The following COL27A1 variants were observed in gnomAD, a reference collection of about 807,000 sequenced individuals.
The protein encoded by COL27A1 is collagen alpha-1(XXVII) chain.
In COL27A1, 106 loss-of-function variants were observed where a neutral mutation model predicts 251.3. The ratio of observed to expected loss-of-function variants is 0.42; its 90% CI spans 0.36 to 0.50. The LOEUF is 0.50. Among genes scored for constraint, COL27A1 ranks in the 20% least tolerant of loss-of-function variants. The probability of loss-of-function intolerance (pLI) is 0.00; values close to 1 mark genes in which losing one functional copy is unlikely to be tolerated. For synonymous variants in COL27A1, 1,000 were observed against 986.3 expected, an observed-to-expected ratio of 1.01 and a Z score of -0.26; for missense variants, 2,325 against 2,522.8, an observed-to-expected ratio of 0.92 and a Z score of 1.68.
intron 3 of COL27A1, among the ~76,000 whole-genome samples, chr9:114,176,176 C>T (rs758027273): frequency 6.6e-5 from 10 of 152,168 alleles, no homozygotes; most frequent in South Asian, 2.1e-4. Context: ...CCTGTTGAAA[C>T]GGCATGGTAT....
chr9:114,205,197 C>G (rs1829864960), intron 8 of COL27A1, 51 bp downstream of exon 8: 2 of 1,545,554 alleles, frequency 1.3e-6, no homozygotes, highest in South Asian at 2.3e-5. Context: ...TCCTCCCAGC[C>G]CCTACCTGTC....
At chr9:114,289,324 A>C in intron 45 of COL27A1, 29 bp downstream of exon 45, 1 of 1,554,004 alleles carries the variant, frequency 6.4e-7, no homozygotes, top group Non-Finnish European at 8.7e-7. Context: ...CAGCAGGGAG[A>C]CTGAGTCCCA....
intron 3 of COL27A1, among the ~76,000 whole-genome samples, chr9:114,173,426 C>T (rs1013654004): frequency 1.3e-5 from 2 of 152,228 alleles, no homozygotes; most frequent in Non-Finnish European, 2.9e-5. Context: ...CTTGAGGTTA[C>T]CCAGAACTCT....
In COL27A1 at chr9:114,227,002, G is replaced by A. The variant is rs530904558; in HGVS notation, c.2467-4077G>A. 5.9e-5 allele frequency among the ~76,000 whole-genome samples: 9 copies of A among 152,314 alleles called. No homozygotes were observed. In the South Asian group the frequency reaches 8.3e-4, roughly 14 times the overall value. ...GGAAGTGATGTTAGTGCTGGAGGCC[G>A]AAGGACAAATGGGCATTAACAATGC... is the stretch of plus-strand genomic sequence containing the variant. On this transcript the variant is annotated intron_variant, in intron 14 of 60. Coordinates refer to ENST00000356083, the MANE Select transcript of COL27A1 (RefSeq NM_032888.4).
chr9:114,159,646 G>A (rs1564406392), intron 1 of COL27A1, among the ~76,000 whole-genome samples: 1 of 152,182 alleles, frequency 6.6e-6, no homozygotes, highest in Non-Finnish European at 1.5e-5. Flanking sequence ...GGATTTCTCC[G>A]AGCCTTTGAT....
At chr9:114,288,998 T>A in intron 44 of COL27A1, 31 bp downstream of exon 44, 1 of 1,612,290 alleles carries the variant, frequency 6.2e-7, no homozygotes, top group Non-Finnish European at 8.5e-7. Context: ...CATCCCTGCC[T>A]CCCACCCTGA....
chr9:114,196,538 G>A (rs1829147808), intron 7 of COL27A1, among the ~76,000 whole-genome samples: 1 of 152,178 alleles, frequency 6.6e-6, no homozygotes, highest in Admixed American at 6.5e-5. Flanking sequence ...TTGGACCTGG[G>A]TCCTACTCCT....
intron 28 of COL27A1, among the ~76,000 whole-genome samples, chr9:114,261,668 G>T (rs1473689622): frequency 1.3e-5 from 2 of 152,220 alleles, no homozygotes; most frequent in Non-Finnish European, 2.9e-5. Context: ...CCAGTGTGCA[G>T]CCTTCCTGGC....
chr9:114,245,027 C>T (rs542291784), intron 23 of COL27A1, among the ~76,000 whole-genome samples: 5 of 152,234 alleles, frequency 3.3e-5, no homozygotes, highest in East Asian at 1.9e-4. Flanking sequence ...TCACCCCAGC[C>T]ACCCGTGAGC....
At chr9:114,229,381 A>G (rs1347865331) in intron 14 of COL27A1, among the ~76,000 whole-genome samples, 1 of 152,142 alleles carries the variant, frequency 6.6e-6, no homozygotes, top group Non-Finnish European at 1.5e-5. Flanking sequence ...GCATTCCATC[A>G]CATAGTCCCC....
chr9:114,210,245 C>T (rs887055440), intron 11 of COL27A1, among the ~76,000 whole-genome samples: 12 of 152,204 alleles, frequency 7.9e-5, no homozygotes, highest in Non-Finnish European at 1.3e-4. Context: ...TTGTCAATGC[C>T]GCTTTCTCAC....
At chr9:114,291,161 T>G (rs1237235961) in intron 48 of COL27A1, among the ~76,000 whole-genome samples, 4 of 152,158 alleles carry the variant, frequency 2.6e-5, no homozygotes, top group Non-Finnish European at 4.4e-5. Flanking sequence ...AACTGGTTTT[T>G]GAGTTGTCCA....
In COL27A1 at chr9:114,168,753, G is replaced by A; in HGVS notation, c.1198G>A (p.Ala400Thr). The A allele has an allele frequency of 6.2e-7, 1 of 1,613,918 alleles. No individual in the cohort carries two copies. The highest frequency in any genetic ancestry group is 8.5e-7 in the Non-Finnish European group (1 of 1,180,024). ...KTAPSSFTKS[A>T]LPTQKQVPPT... is the part of the protein sequence containing the mutation. The stretch of plus-strand genomic sequence containing the variant: ...AGCTCCATCTTCATTTACAAAGTCA[G>A]CCCTACCCACTCAGAAGCAAGTGCC... Residue 400 changes from alanine (A) to threonine (T), a missense_variant, in exon 3 of 61, where the codon GCC (alanine) becomes ACC (threonine). Around this residue, in one of 4 missense-constraint regions of COL27A1, gnomAD observed 1,183 missense variants for 1,144.1 expected, o/e 1.03. Transcript: ENST00000356083.
chr9:114,237,206 G>A (rs900568188), intron 18 of COL27A1, among the ~76,000 whole-genome samples, 172 bp downstream of exon 18: 9 of 152,352 alleles, frequency 5.9e-5, no homozygotes, highest in Middle Eastern at 3.4e-3. Context: ...TGAGGATACT[G>A]TGAGAGGCTC....
chr9:114,177,578 G>A (rs991774729), intron 3 of COL27A1, among the ~76,000 whole-genome samples: 4 of 152,184 alleles, frequency 2.6e-5, no homozygotes, highest in African/African-American at 9.7e-5. Context: ...CAGGCACCGT[G>A]TTAACATTTA....
chr9:114,304,862 C>T (rs1376730399), intron 57 of COL27A1, among the ~76,000 whole-genome samples, 189 bp downstream of exon 57: 1 of 152,204 alleles, frequency 6.6e-6, no homozygotes, highest in Non-Finnish European at 1.5e-5. Flanking sequence ...AGTCCAAGGT[C>T]CCATGGCCAG....
In COL27A1 at chr9:114,290,485, C is replaced by G. The variant is rs563061640; in HGVS notation, c.4368+154C>G. Among the ~76,000 whole-genome samples the G allele has an allele frequency of 6.6e-6, 1 of 152,270 alleles. No individual in the cohort carries two copies. Among genetic ancestry groups the G allele is most frequent in the East Asian group, 1.9e-4 (1 of 5,176 alleles). ...TCTCTGGGGTGGGCAACCATCTCCTCCCCTGGCACCTGGGAGTGTGGACCT... is the reference window on the plus strand; with the variant it reads ...TCTCTGGGGTGGGCAACCATCTCCTGCCCTGGCACCTGGGAGTGTGGACCT... On this transcript the variant is annotated intron_variant, in intron 47 of 60. Transcript: ENST00000356083. The surrounding 1 kb of genome is among the most constrained non-coding windows in gnomAD (Gnocchi z 4.6).
chr9:114,231,092 T>A lies in COL27A1; in HGVS notation c.2480T>A (p.Val827Glu). ...GVPGLIGDLG[V>E]LGPIGYPGPK... The stretch of plus-strand genomic sequence containing the variant: ...CTCTCCCCACAGGGTGACTTAGGAG[T>A]GTTGGGTCCGATTGGCTACCCGGGA... Residue 827 changes from valine (V) to glutamate (E), a missense_variant, in exon 15 of 61, where the codon GTG (valine) becomes GAG (glutamate). Physicochemically the swap from Val to Glu is moderately radical, Grantham distance 121 (BLOSUM62 -2). Around this residue, in one of 4 missense-constraint regions of COL27A1, gnomAD observed 1,183 missense variants for 1,144.1 expected, o/e 1.03. Transcript: ENST00000356083. 6.2e-7 allele frequency: 1 copy of A among 1,612,788 alleles called. No homozygotes were observed. The highest frequency in any genetic ancestry group is 1.1e-5 in the South Asian group (1 of 90,736).
In COL27A1 at chr9:114,205,813, G is replaced by T. The variant is rs770752799; in HGVS notation, c.2223+1G>T. 6.2e-7 allele frequency: 1 copy of T among 1,612,952 alleles called. No homozygotes were observed. Among genetic ancestry groups the T allele is most frequent in the Non-Finnish European group, 8.5e-7 (1 of 1,179,520 alleles). On this transcript the variant is annotated splice_donor_variant, in intron 9 of 60. Coordinates refer to ENST00000356083, the MANE Select transcript of COL27A1 (RefSeq NM_032888.4). LOFTEE classifies it high-confidence loss of function. ...GGCCAAAGGTTACCCTGGCAGGCAG[G>T]TGCAGTATATGGCTTCTGGAAGCTC...
Sources: gnomAD v4.1 joint callset for allele counts (sites outside exome capture counted in the v4.1 genomes callset) on GRCh38, gnomAD v4.1.1 for gene constraint, gnomAD v4.1.1 regional missense constraint, Gnocchi (gnomAD v3.1) non-coding constraint, MANE v1.5 for transcripts, NCBI Gene and HGNC (gene_info 2026-07-23, HGNC 2026-07-21) for gene names.